Variants in ANKS1B observed in about 807,000 individuals in gnomAD.
The protein encoded by ANKS1B is ankyrin repeat and sterile alpha motif domain-containing protein 1B.
ANKS1B carries 36 observed loss-of-function variants against 148.3 expected under a neutral mutation model. That is an observed-to-expected ratio of 0.24 (90% CI 0.19 to 0.32). The LOEUF (loss-of-function observed/expected upper bound fraction) is 0.32. Ranked by LOEUF, ANKS1B falls within the 10% of genes least tolerant of loss-of-function variation. The pLI is 1.00. For synonymous variants in ANKS1B, 542 were observed against 560.8 expected, an observed-to-expected ratio of 0.97 and a Z score of 0.47; for missense variants, 1,157 against 1,542.6, an observed-to-expected ratio of 0.75 and a Z score of 4.19.
intron 12 of ANKS1B, among the ~76,000 whole-genome samples, chr12:99,259,232 C>T (rs2075658656): frequency 6.6e-6 from 1 of 152,172 alleles, no homozygotes; most frequent in Non-Finnish European, 1.5e-5. Flanking sequence ...GGGCCTCTTT[C>T]CAGGTATCAG....
intron 8 of ANKS1B, among the ~76,000 whole-genome samples, chr12:99,735,070 T>G (rs1168049609): frequency 1.3e-5 from 2 of 152,150 alleles, no homozygotes; most frequent in Admixed American, 1.3e-4. Flanking sequence ...AATATTATTT[T>G]TATTACTATT....
intron 17 of ANKS1B, among the ~76,000 whole-genome samples, chr12:98,853,442 C>T (rs142656546): frequency 1.7e-4 from 26 of 152,250 alleles, no homozygotes; most frequent in East Asian, 5.8e-4. Flanking sequence ...CCCATCACAA[C>T]GTAAGCATGC....
intron 9 of ANKS1B, among the ~76,000 whole-genome samples, chr12:99,511,443 T>G (rs1331367021): frequency 1.3e-5 from 2 of 151,998 alleles, no homozygotes; most frequent in Admixed American, 1.3e-4. Context: ...AAACATTCCA[T>G]GCTCACAGAT....
Position 99,872,407 on chromosome 12 carries a change from A to G in ANKS1B, c.135-47018T>C, listed in dbSNP as rs76125202. Among the ~76,000 whole-genome samples, 1,290 of 152,192 alleles carry G rather than the reference A, an allele frequency of 8.5e-3. 19 individuals are homozygous for G. The highest frequency in any genetic ancestry group is 0.029 in the African/African-American group (1,222 of 41,546). On this transcript the variant is annotated intron_variant, in intron 1 of 26. Transcript: ENST00000683438. ...ACAGTCAGTGCCCTTTTCTGTATGT[A>G]TGATATACTTCAATTTTTTTAATCA...
At chr12:99,735,632 C>T (rs1480642343) in intron 8 of ANKS1B, among the ~76,000 whole-genome samples, 1 of 151,934 alleles carries the variant, frequency 6.6e-6, no homozygotes, top group Non-Finnish European at 1.5e-5. Context: ...AGCCTCCCAA[C>T]AAGGAAAGGC....
At chr12:99,182,747 A>G (rs2079275304) in intron 14 of ANKS1B, among the ~76,000 whole-genome samples, 1 of 152,138 alleles carries the variant, frequency 6.6e-6, no homozygotes. Flanking sequence ...ACCGTTCTGC[A>G]TAATGGTGGT....
At chr12:98,828,163 C>G (rs1446924774) in intron 19 of ANKS1B, among the ~76,000 whole-genome samples, 2 of 152,164 alleles carry the variant, frequency 1.3e-5, no homozygotes, top group Non-Finnish European at 2.9e-5. Context: ...ATTAAAGGAG[C>G]TGAAAGAAGA....
chr12:99,356,960 T>C (rs1215503575), intron 12 of ANKS1B, among the ~76,000 whole-genome samples: 1 of 151,858 alleles, frequency 6.6e-6, no homozygotes, highest in Non-Finnish European at 1.5e-5. Flanking sequence ...GCTACTCATG[T>C]ATTCATTTAA....
intron 12 of ANKS1B, among the ~76,000 whole-genome samples, chr12:99,326,699 T>G (rs1486913100): frequency 6.6e-6 from 1 of 151,872 alleles, no homozygotes; most frequent in Non-Finnish European, 1.5e-5. Flanking sequence ...TATTTCTTAC[T>G]TTTATATTTT....
intron 20 of ANKS1B, among the ~76,000 whole-genome samples, chr12:98,805,156 A>G (rs1162749201): frequency 1.3e-5 from 2 of 152,210 alleles, no homozygotes; most frequent in Non-Finnish European, 2.9e-5. Context: ...AAATGTCTTC[A>G]GGCTATCTCT....
chr12:98,882,949 C>A (rs2099715343), intron 17 of ANKS1B, among the ~76,000 whole-genome samples: 1 of 152,110 alleles, frequency 6.6e-6, no homozygotes, highest in Non-Finnish European at 1.5e-5. Flanking sequence ...CAGCTTGTCA[C>A]AAACAACAAC....
chr12:99,726,465 C>G (rs1176806253), intron 8 of ANKS1B, among the ~76,000 whole-genome samples: 1 of 152,082 alleles, frequency 6.6e-6, no homozygotes, highest in Non-Finnish European at 1.5e-5. Flanking sequence ...AGACCAATAA[C>G]AAGTTCTGAA....
At chr12:99,314,916 A>G (rs570808492) in intron 12 of ANKS1B, among the ~76,000 whole-genome samples, 1 of 152,300 alleles carries the variant, frequency 6.6e-6, no homozygotes, top group African/African-American at 2.4e-5. Flanking sequence ...AAACTGACAA[A>G]TACGATCTAA....
At chr12:99,797,822 C>T (rs148734917) in intron 4 of ANKS1B, among the ~76,000 whole-genome samples, 150 of 152,014 alleles carry the variant, frequency 9.9e-4, no homozygotes, top group African/African-American at 3.4e-3. Flanking sequence ...GCCTTGGTAG[C>T]ACCAAAGCTG....
At chr12:99,683,149 A>G (rs1370416534) in intron 8 of ANKS1B, among the ~76,000 whole-genome samples, 1 of 152,160 alleles carries the variant, frequency 6.6e-6, no homozygotes, top group African/African-American at 2.4e-5. Flanking sequence ...ATTATCACCT[A>G]CTGGGTCCCT....
chr12:99,094,896 A>G (rs905202964), intron 15 of ANKS1B, among the ~76,000 whole-genome samples: 1 of 152,138 alleles, frequency 6.6e-6, no homozygotes, highest in African/African-American at 2.4e-5. Context: ...TGGAGAATGG[A>G]TGGAGAAATT....
intron 22 of ANKS1B, chr12:98,795,743 A>T (rs767078372): frequency 4.8e-6 from 2 of 417,714 alleles, no homozygotes; most frequent in Non-Finnish European, 9.4e-6. Context: ...TTGGAGAGGC[A>T]GTCCAGTCTC....
At chr12:99,851,999 C>G (rs1000259426) in intron 1 of ANKS1B, among the ~76,000 whole-genome samples, 1 of 152,156 alleles carries the variant, frequency 6.6e-6, no homozygotes, top group Non-Finnish European at 1.5e-5. Flanking sequence ...GGTTGACTAG[C>G]ACTTTCTGGT....
At chr12:99,632,768 T>TATATATATATATA (rs1282777183) in intron 9 of ANKS1B, among the ~76,000 whole-genome samples, 6 of 100,426 alleles carry the variant, frequency 6.0e-5, no homozygotes, top group Admixed American at 1.1e-4. Context: ...TATATATATA[T>TATATATATATATA]TTTAATTATA....
Sources: allele counts gnomAD v4.1 joint callset (sites outside exome capture counted in the v4.1 genomes callset), GRCh38; gene constraint gnomAD v4.1.1; transcripts MANE v1.5; gene names NCBI Gene and HGNC (gene_info 2026-07-23, HGNC 2026-07-21).